The following NELL2 variants were observed in gnomAD, a reference collection of about 807,000 sequenced individuals.
The protein encoded by NELL2 is neural EGFL like 2.
A neutral mutation model predicts 109.6 loss-of-function variants in NELL2; 41 were observed. The ratio of observed to expected loss-of-function variants is 0.37; its 90% CI spans 0.29 to 0.49. The LOEUF is 0.49. Among genes scored for constraint, NELL2 ranks in the 20% least tolerant of loss-of-function variants. NELL2 has a pLI of 0.98. For missense variants in NELL2, 900 were observed against 1,008.3 expected (o/e 0.89, Z 1.45); for synonymous variants, 355 against 344.7 (o/e 1.03, Z -0.33).
chr12:44,649,399 TG>T, intron 13 of NELL2, among the ~76,000 whole-genome samples: 1 of 152,324 alleles, frequency 6.6e-6, no homozygotes, highest in East Asian at 1.9e-4. Flanking sequence ...TGCTGCCACT[TG>T]GCAAATCCAC....
intron 19 of NELL2, among the ~76,000 whole-genome samples, chr12:44,519,532 A>G (rs1291718927): frequency 6.6e-6 from 1 of 152,212 alleles, no homozygotes; most frequent in African/African-American, 2.4e-5. Context: ...ACTGACCACA[A>G]CAAACCAAGA....
intron 3 of NELL2, among the ~76,000 whole-genome samples, chr12:44,815,058 G>A (rs571506565): frequency 6.6e-6 from 1 of 152,286 alleles, no homozygotes; most frequent in Non-Finnish European, 1.5e-5. Context: ...AATGTCCACA[G>A]ATAGTAAGTG....
chr12:44,834,198 ACT>A (rs1232202985), intron 2 of NELL2, among the ~76,000 whole-genome samples: 2 of 152,258 alleles, frequency 1.3e-5, no homozygotes, highest in East Asian at 3.9e-4. Flanking sequence ...ACATCCAATG[ACT>A]CATTCACATA....
chr12:44,845,397 A>G (rs1374676229), intron 2 of NELL2, among the ~76,000 whole-genome samples: 1 of 152,218 alleles, frequency 6.6e-6, no homozygotes, highest in Non-Finnish European at 1.5e-5. Flanking sequence ...AGTATAGTGC[A>G]TAGCGTACAG....
intron 13 of NELL2, among the ~76,000 whole-genome samples, chr12:44,662,228 A>G (rs1293174104): frequency 2.0e-5 from 3 of 152,206 alleles, no homozygotes; most frequent in African/African-American, 7.2e-5. Context: ...GGTCATTATT[A>G]TAAGATCTGT....
intron 2 of NELL2, among the ~76,000 whole-genome samples, 154 bp from the exon 3 acceptor site, chr12:44,816,290 G>T (rs1264295494): frequency 6.6e-6 from 1 of 152,072 alleles, no homozygotes; most frequent in Non-Finnish European, 1.5e-5. Context: ...TTTTCAAAAA[G>T]ACTTTATGCT....
intron 3 of NELL2, among the ~76,000 whole-genome samples, chr12:44,797,165 TA>T (rs1942653599): frequency 2.0e-5 from 3 of 152,132 alleles, no homozygotes; most frequent in African/African-American, 7.2e-5. Context: ...GGATAAAGGG[TA>T]GTATCTGCTT....
chr12:44,883,696 A>G (rs989197235), intron 1 of NELL2, among the ~76,000 whole-genome samples: 7 of 152,072 alleles, frequency 4.6e-5, no homozygotes, highest in African/African-American at 1.7e-4. Context: ...GAATAAAGGG[A>G]CCGATATAAT....
intron 3 of NELL2, among the ~76,000 whole-genome samples, chr12:44,789,295 A>G (rs7134398): frequency 0.24 from 35,995 of 152,110 alleles, 4,548 homozygotes; most frequent in South Asian, 0.3. Context: ...TTCACATCAC[A>G]GGACTCTGTG....
intron 15 of NELL2, among the ~76,000 whole-genome samples, chr12:44,574,071 A>AT (rs535303763): frequency 0.012 from 1,821 of 148,500 alleles, 16 homozygotes; most frequent in Non-Finnish European, 0.017. Flanking sequence ...TTTTATTTTT[A>AT]TTTTTTTTTT....
intron 13 of NELL2, among the ~76,000 whole-genome samples, chr12:44,663,546 A>T (rs1947821062): frequency 6.6e-6 from 1 of 152,162 alleles, no homozygotes; most frequent in Non-Finnish European, 1.5e-5. Flanking sequence ...TCTTAAAATG[A>T]TTTTCTACTC....
At chr12:44,596,844 C>T (rs935383450) in intron 15 of NELL2, among the ~76,000 whole-genome samples, 4 of 152,188 alleles carry the variant, frequency 2.6e-5, no homozygotes, top group African/African-American at 9.7e-5. Context: ...AGATTTATAG[C>T]CAGAGAGCCA....
intron 13 of NELL2, among the ~76,000 whole-genome samples, chr12:44,656,841 C>G (rs914224795): frequency 5.3e-5 from 8 of 152,222 alleles, no homozygotes; most frequent in Admixed American, 3.9e-4. Context: ...CCATTGAAAG[C>G]TATTTTTAAA....
chr12:44,738,773 G>T (rs114299611), intron 9 of NELL2, among the ~76,000 whole-genome samples: 2 of 152,116 alleles, frequency 1.3e-5, no homozygotes, highest in Non-Finnish European at 2.9e-5. Flanking sequence ...TAATAATAAC[G>T]TATTGTATAC....
At chr12:44,833,237 C>T (rs934575337) in intron 2 of NELL2, among the ~76,000 whole-genome samples, 1 of 152,154 alleles carries the variant, frequency 6.6e-6, no homozygotes, top group African/African-American at 2.4e-5. Flanking sequence ...AATTTCTTCA[C>T]TATATTTTAT....
At chr12:44,725,946 C>G (rs999782878) in intron 9 of NELL2, among the ~76,000 whole-genome samples, 1 of 152,074 alleles carries the variant, frequency 6.6e-6, no homozygotes, top group African/African-American at 2.4e-5. Context: ...CAACAAACCC[C>G]AGTGACATAT....
At chr12:44,571,565 C>T (rs1275651665) in intron 15 of NELL2, among the ~76,000 whole-genome samples, 1 of 152,190 alleles carries the variant, frequency 6.6e-6, no homozygotes, top group Non-Finnish European at 1.5e-5. Context: ...CTCCAGTCTT[C>T]AGAAGAGTTC....
chr12:44,524,067 C>G (rs1418851139), intron 16 of NELL2, among the ~76,000 whole-genome samples: 1 of 152,148 alleles, frequency 6.6e-6, no homozygotes, highest in African/African-American at 2.4e-5. Context: ...GACCTTGACT[C>G]TCAACCACAG....
At chr12:44,537,642 C>G (rs938625803) in intron 15 of NELL2, among the ~76,000 whole-genome samples, 1 of 151,984 alleles carries the variant, frequency 6.6e-6, no homozygotes, top group Admixed American at 6.6e-5. Context: ...TTAAAGATCC[C>G]CAAAACAATG....
Sources: gnomAD v4.1 joint callset for allele counts (sites outside exome capture counted in the v4.1 genomes callset) on GRCh38, gnomAD v4.1.1 for gene constraint, MANE v1.5 for transcripts, NCBI Gene and HGNC (gene_info 2026-07-23, HGNC 2026-07-21) for gene names.